ZFHX3: variants seen among roughly 807,000 people sequenced by gnomAD.
ZFHX3 encodes zinc finger homeobox protein 3.
A neutral mutation model predicts 279.1 loss-of-function variants in ZFHX3; 42 were observed. That is an observed-to-expected ratio of 0.15 (90% CI 0.12 to 0.19). ZFHX3 has a LOEUF of 0.19. ZFHX3 is among the 10% of genes least tolerant of loss of function. The pLI is 1.00. For missense variants in ZFHX3, 4,981 were observed against 4,754.0 expected (o/e 1.05, Z -1.40); for synonymous variants, 2,293 against 1,957.8 (o/e 1.17, Z -4.52).
chr16:73,312,568 G>T (rs1187101568), intron 4 of ZFHX3, among the ~76,000 whole-genome samples: 1 of 152,208 alleles, frequency 6.6e-6, no homozygotes, highest in African/African-American at 2.4e-5. Flanking sequence ...GGTGCCTATT[G>T]CTCAATGCAT....
At chr16:73,444,873 G>A (rs1179776603) in intron 3 of ZFHX3, among the ~76,000 whole-genome samples, 2 of 146,698 alleles carry the variant, frequency 1.4e-5, no homozygotes, top group Admixed American at 7.1e-5. Context: ...TAATCCCAAC[G>A]CTTTGGGAGG....
intron 5 of ZFHX3, among the ~76,000 whole-genome samples, chr16:73,197,837 G>T (rs1444094131): frequency 6.7e-6 from 1 of 149,604 alleles, no homozygotes; most frequent in African/African-American, 2.5e-5. Context: ...TTTTATTTCA[G>T]GTATAAAAGA....
intron 3 of ZFHX3, among the ~76,000 whole-genome samples, chr16:72,918,306 G>T (rs2039493343): frequency 6.6e-6 from 1 of 152,012 alleles, no homozygotes; most frequent in South Asian, 2.1e-4. Flanking sequence ...GGAGGATGGG[G>T]ACGGTACATA....
intron 1 of ZFHX3, among the ~76,000 whole-genome samples, chr16:73,877,465 A>G (rs1443242789): frequency 2.0e-5 from 3 of 152,182 alleles, no homozygotes; most frequent in Non-Finnish European, 4.4e-5. Flanking sequence ...ATATAATAAA[A>G]TAAGACTCAG....
At chr16:73,667,733 C>T (rs2052859504) in intron 2 of ZFHX3, among the ~76,000 whole-genome samples, 1 of 152,186 alleles carries the variant, frequency 6.6e-6, no homozygotes, top group African/African-American at 2.4e-5. Context: ...ATAGACTGAA[C>T]CAACACATAA....
Position 73,514,476 on chromosome 16 carries a change from T to C in ZFHX3, c.-1546-58218A>G, listed in dbSNP as rs189182639. Among the ~76,000 whole-genome samples the C allele has an allele frequency of 5.7e-3, 866 of 152,280 alleles. 15 individuals are homozygous for C. The highest frequency in any genetic ancestry group is 0.02 in the African/African-American group (835 of 41,556). ...ACTATGAATTAGGTCCCATCATTAT[T>C]ATTATTATTACTTTATATATAAGGA... On this transcript the variant is annotated intron_variant, in intron 2 of 17. Coordinates refer to the ZFHX3 transcript ENST00000641206.
chr16:73,008,684 C>G (rs928775217), intron 1 of ZFHX3, among the ~76,000 whole-genome samples: 3 of 152,124 alleles, frequency 2.0e-5, no homozygotes, highest in Non-Finnish European at 2.9e-5. Flanking sequence ...AAAGTCACCC[C>G]TCAATAAATG....
At chr16:73,593,395 G>A (rs547801334) in intron 2 of ZFHX3, among the ~76,000 whole-genome samples, 2 of 152,196 alleles carry the variant, frequency 1.3e-5, no homozygotes, top group Non-Finnish European at 2.9e-5. Context: ...ACTAAATCTA[G>A]CAACAAATAA....
chr16:73,583,682 T>C (rs2051885481), intron 2 of ZFHX3, among the ~76,000 whole-genome samples: 1 of 152,214 alleles, frequency 6.6e-6, no homozygotes, highest in Admixed American at 6.5e-5. Context: ...GATAGACATG[T>C]TCAATTCTAT....
At chr16:73,383,352 G>A (rs1230323373) in intron 3 of ZFHX3, among the ~76,000 whole-genome samples, 2 of 152,280 alleles carry the variant, frequency 1.3e-5, no homozygotes, top group Non-Finnish European at 2.9e-5. Context: ...GGAAGCCCGA[G>A]GCAAAAAGCC....
intron 1 of ZFHX3, among the ~76,000 whole-genome samples, chr16:73,847,980 C>A (rs1199554491): frequency 7.4e-6 from 1 of 135,788 alleles, no homozygotes; most frequent in Non-Finnish European, 1.5e-5. Context: ...AGACTGGTCT[C>A]AAACTCCTGA....
chr16:73,307,624 G>C (rs1040422363), intron 4 of ZFHX3, among the ~76,000 whole-genome samples: 1 of 152,216 alleles, frequency 6.6e-6, no homozygotes, highest in Non-Finnish European at 1.5e-5. Flanking sequence ...TCATTCTCAA[G>C]AGGAACCCAG....
intron 1 of ZFHX3, among the ~76,000 whole-genome samples, chr16:73,853,141 A>T (rs1490753128): frequency 6.6e-6 from 1 of 152,248 alleles, no homozygotes; most frequent in Non-Finnish European, 1.5e-5. Context: ...ATCTCATGCC[A>T]GTTAAAATGG....
chr16:73,678,038 C>T (rs1296696071), intron 2 of ZFHX3, among the ~76,000 whole-genome samples: 2 of 151,736 alleles, frequency 1.3e-5, no homozygotes, highest in Non-Finnish European at 2.9e-5. Flanking sequence ...AAAACAAATG[C>T]AAAAGTAAAG....
chr16:72,940,604 A>C (rs1425644342), intron 3 of ZFHX3, among the ~76,000 whole-genome samples: 2 of 152,156 alleles, frequency 1.3e-5, no homozygotes, highest in East Asian at 3.9e-4. Flanking sequence ...GGAAGAGCAT[A>C]CTGCCAGCGA....
intron 2 of ZFHX3, among the ~76,000 whole-genome samples, chr16:72,955,974 A>C (rs1183384627): frequency 2.6e-5 from 4 of 152,140 alleles, no homozygotes; most frequent in African/African-American, 7.2e-5. Context: ...TGCATGGTTC[A>C]CCCTGGTGAC....
At chr16:72,898,069 G>C (rs928308119) in intron 3 of ZFHX3, among the ~76,000 whole-genome samples, 1 of 152,120 alleles carries the variant, frequency 6.6e-6, no homozygotes, top group Admixed American at 6.5e-5. Context: ...CAGTCAGATC[G>C]CGTTATAGTT....
At chr16:72,859,583 T>C (rs1029417196) in intron 4 of ZFHX3, among the ~76,000 whole-genome samples, 2 of 152,224 alleles carry the variant, frequency 1.3e-5, no homozygotes, top group Non-Finnish European at 1.5e-5. Flanking sequence ...TAAAGACGTT[T>C]AGGGATTTGA....
intron 1 of ZFHX3, among the ~76,000 whole-genome samples, chr16:73,847,908 T>G (rs895624444): frequency 7.1e-5 from 10 of 140,372 alleles, no homozygotes; most frequent in Non-Finnish European, 1.5e-4. Context: ...TGGCTAGTTT[T>G]TTTTTTTTTT....
Sources: gnomAD v4.1 joint callset for allele counts (sites outside exome capture counted in the v4.1 genomes callset) on GRCh38, gnomAD v4.1.1 for gene constraint, MANE v1.5 for transcripts, NCBI Gene and HGNC (gene_info 2026-07-23, HGNC 2026-07-21) for gene names.